Variants in CCNB3 observed in about 807,000 individuals in gnomAD.
CCNB3 encodes cyclin B3.
Under a neutral mutation model 68.0 loss-of-function variants are expected in CCNB3, and 12 were observed. The ratio of observed to expected loss-of-function variants is 0.18; its 90% CI spans 0.11 to 0.29. CCNB3 has a LOEUF of 0.29. CCNB3 is among the 10% of genes least tolerant of loss of function. The pLI is 1.00. For missense variants in CCNB3, 904 were observed against 993.1 expected, an observed-to-expected ratio of 0.91 and a Z score of 1.21; for synonymous variants, 354 against 388.9, an observed-to-expected ratio of 0.91 and a Z score of 1.06.
chrX:50,346,937 C>A, intron 10 of CCNB3, 130 bp downstream of exon 10: 1 of 676,824 alleles, frequency 1.5e-6, no homozygotes, highest in South Asian at 3.2e-5. Context: ...TCCTTCCATC[C>A]AATCTCCTAG....
chrX:50,342,489 A>G, intron 9 of CCNB3, 150 bp downstream of exon 9: 1 of 492,182 alleles, frequency 2.0e-6, no homozygotes, highest in East Asian at 4.3e-5. Flanking sequence ...GTCCCATAAG[A>G]GTATAATGGA....
intron 1 of CCNB3, among the ~76,000 whole-genome samples, chrX:50,226,539 TGAATATATATATA>T (rs1935815451): frequency 3.6e-5 from 2 of 55,676 alleles, no homozygotes; most frequent in South Asian, 9.0e-4. Flanking sequence ...ATAGAATATA[TGAATATATATATA>T]GAATATATAT....
At chrX:50,344,428 AT>A (rs1361847082) in intron 9 of CCNB3, among the ~76,000 whole-genome samples, 1 of 112,378 alleles carries the variant, frequency 8.9e-6, no homozygotes, top group East Asian at 2.8e-4. Flanking sequence ...TTTCTGCCGC[AT>A]TTTTTGTCCC....
rs185228161 is a variant in CCNB3, at chrX:50,306,304, T to G, written c.336-2201T>G. Among the ~76,000 whole-genome samples the G allele has an allele frequency of 2.3e-3, 252 of 111,478 alleles. 6 individuals are homozygous for G. Among genetic ancestry groups the G allele is most frequent in the Middle Eastern group, 4.2e-3 (1 of 236 alleles). ...TTCATTGCAAGTATACAGAAAGACATTTGATTTTTGTATATTGATTTTGTG... is the reference window on the plus strand; with the variant it reads ...TTCATTGCAAGTATACAGAAAGACAGTTGATTTTTGTATATTGATTTTGTG... On this transcript the variant is annotated intron_variant, in intron 5 of 12. Transcript: ENST00000376042.
intron 1 of CCNB3, among the ~76,000 whole-genome samples, chrX:50,279,849 T>G (rs1392037533): frequency 3.4e-5 from 3 of 87,620 alleles, no homozygotes; most frequent in Non-Finnish European, 6.3e-5. Context: ...TTTATAAATA[T>G]AAAATATATA....
chrX:50,321,602 C>G (rs782332444), intron 8 of CCNB3, among the ~76,000 whole-genome samples: 11 of 111,293 alleles, frequency 9.9e-5, no homozygotes, highest in Non-Finnish European at 1.7e-4. Flanking sequence ...TTCCATTGAT[C>G]TATTTGTCTA....
rs1429454784 is a variant in CCNB3, at chrX:50,304,743, G to T, written c.336-3762G>T. 7.2e-5 allele frequency among the ~76,000 whole-genome samples: 8 copies of T among 111,531 alleles called. No homozygotes were observed. In the East Asian group the frequency reaches 1.4e-3, roughly 20 times the overall value. On this transcript the variant is annotated intron_variant, in intron 5 of 12. Coordinates refer to ENST00000376042, the MANE Select transcript of CCNB3 (RefSeq NM_033031.3). The stretch of plus-strand genomic sequence containing the variant: ...ACCTAGAGAATGGGAGAAAATTTTT[G>T]CAATCTACTCATCTGACAAAGGGCT...
chrX:50,296,349 A>G (rs1219001946), intron 5 of CCNB3, among the ~76,000 whole-genome samples: 1 of 75,447 alleles, frequency 1.3e-5, no homozygotes, highest in Non-Finnish European at 2.5e-5. Context: ...TCATTGTTCA[A>G]TTCCCACCTA....
rs770898815 is a variant in CCNB3 at position 50,283,997 on chromosome X, TC to T, written c.-112-543del. ...TATAAAAGAATTTTAGTTGTATTTTTCCAGGTAGTTGGATTTTTTAAAAAAC... is the reference window on the plus strand; with the variant it reads ...TATAAAAGAATTTTAGTTGTATTTTTCAGGTAGTTGGATTTTTTAAAAAAC... On this transcript the variant is annotated intron_variant, in intron 1 of 12. Transcript: ENST00000376042. 4.4e-3 allele frequency among the ~76,000 whole-genome samples: 489 copies of T among 111,094 alleles called. 3 individuals are homozygous for T. Among genetic ancestry groups the T allele is most frequent in the African/African-American group, 0.015 (459 of 30,625 alleles).
chrX:50,304,859 C>T (rs1936728070), intron 5 of CCNB3, among the ~76,000 whole-genome samples: 1 of 112,136 alleles, frequency 8.9e-6, no homozygotes, highest in African/African-American at 3.2e-5. Context: ...TGAACAGACA[C>T]TTCTCAAAAG....
chrX:50,340,055 G>A (rs1361322877), intron 8 of CCNB3, among the ~76,000 whole-genome samples: 2 of 112,042 alleles, frequency 1.8e-5, no homozygotes, highest in Non-Finnish European at 3.8e-5. Flanking sequence ...AGTAAGAACT[G>A]TTTCTTGGTA....
intron 8 of CCNB3, among the ~76,000 whole-genome samples, chrX:50,334,645 C>G (rs782269112): frequency 8.9e-6 from 1 of 112,375 alleles, no homozygotes; most frequent in African/African-American, 3.2e-5. Context: ...CATTTTTTCT[C>G]TTTCTGACAC....
intron 8 of CCNB3, among the ~76,000 whole-genome samples, chrX:50,329,957 C>T (rs1922510598): frequency 8.9e-6 from 1 of 111,893 alleles, no homozygotes; most frequent in Non-Finnish European, 1.9e-5. Flanking sequence ...TAGGTTGTTA[C>T]TTTAGGTTCA....
intron 11 of CCNB3, 22 bp downstream of exon 11, chrX:50,347,797 G>T (rs782641480): frequency 3.4e-6 from 4 of 1,189,532 alleles, no homozygotes; most frequent in South Asian, 1.8e-5. Context: ...CGAGATAGGG[G>T]TATAGGGGTA....
At chrX:50,279,939 T>G (rs1389302048) in intron 1 of CCNB3, among the ~76,000 whole-genome samples, 1 of 85,188 alleles carries the variant, frequency 1.2e-5, no homozygotes, top group Non-Finnish European at 2.1e-5. Context: ...AATATGTATT[T>G]ATAATATATA....
intron 1 of CCNB3, among the ~76,000 whole-genome samples, chrX:50,228,393 T>A (rs1259143192): frequency 4.6e-5 from 4 of 87,170 alleles, no homozygotes; most frequent in African/African-American, 1.6e-4. Flanking sequence ...TATATCTACA[T>A]AAATATATAT....
Position 50,308,687 on chromosome X carries a change from A to G in CCNB3, c.518A>G (p.Asn173Ser), listed in dbSNP as rs941102459. ...ACTATTGAGGATGAAACCCTTATCA[A>G]TAAGTCATTATCTTTAAAAAAGTGC... ...EPTIEDETLI[N>S]KSLSLKKCSN... is the part of the protein sequence containing the mutation. The change falls in exon 6 of 13, where the codon AAT becomes AGT. Residue 173 changes from asparagine (N) to serine (S), a missense_variant. This residue lies in a region of CCNB3 where 619 missense variants were observed against 609.8 expected (regional missense o/e 1.02). Transcript: ENST00000376042. The G allele has an allele frequency of 6.6e-6, 8 of 1,209,637 alleles. No individual in the cohort carries two copies. The highest frequency in any genetic ancestry group is 8.9e-6 in the Non-Finnish European group (8 of 894,953).
rs782000483 is a variant in CCNB3, at chrX:50,309,080, T to G, written c.911T>G (p.Val304Gly). 22 of 1,208,296 alleles carry G rather than the reference T, an allele frequency of 1.8e-5. No individual in the cohort carries two copies. The Admixed American group carries it at 4.6e-4, about 25-fold the overall frequency. ...ATATGCCACTTTAGGAAGCCACCAG[T>G]ATTGCAGACAACCATCTGTGGAGCA... ...GKICHFRKPP[V>G]LQTTICGAMS... The change falls in exon 6 of 13, where the codon GTA (valine) becomes GGA (glycine). Residue 304 changes from valine (V) to glycine (G), a missense_variant. Val to Gly is a moderately radical substitution (Grantham distance 109, BLOSUM62 -3). This residue lies in a region of CCNB3 where 619 missense variants were observed against 609.8 expected (regional missense o/e 1.02). Transcript: ENST00000376042.
In CCNB3 at chrX:50,228,138, AAT is replaced by A. The variant is rs1287274622; in HGVS notation, c.-113+23198_-113+23199del. Among the ~76,000 whole-genome samples, 157 of 91,500 alleles carry A rather than the reference AAT, an allele frequency of 1.7e-3. 1 individual carries two copies. The highest frequency in any genetic ancestry group is 5.4e-3 in the African/African-American group (136 of 25,258). The allele number at this position is 91,500 out of a possible 115,157, so 79.5% of individuals were successfully genotyped here. A position where few individuals can be genotyped will look rare whatever the true frequency, so the allele number is the denominator to read the frequency against. ...ATAAATAATATATGAATATATACAT[AAT>A]ATATATATAAATATCTACATAGAAT... On this transcript the variant is annotated intron_variant, in intron 1 of 12. Transcript: ENST00000376042.
Sources: gnomAD v4.1 joint callset for allele counts (sites outside exome capture counted in the v4.1 genomes callset) on GRCh38, gnomAD v4.1.1 for gene constraint, gnomAD v4.1.1 regional missense constraint, MANE v1.5 for transcripts, NCBI Gene and HGNC (gene_info 2026-07-23, HGNC 2026-07-21) for gene names.